The following PCDH18 variants were observed in gnomAD, a reference collection of about 807,000 sequenced individuals.
PCDH18 encodes the protein protocadherin 18.
In PCDH18, 38 loss-of-function variants were observed where a neutral mutation model predicts 71.5. That is an observed-to-expected ratio of 0.53 (90% CI 0.41 to 0.70). The LOEUF (loss-of-function observed/expected upper bound fraction) is 0.70, where lower values mean the gene tolerates loss of function less well. Ranked by LOEUF, PCDH18 falls within the 30% of genes least tolerant of loss-of-function variation. The probability of loss-of-function intolerance (pLI) is 0.00; values close to 1 mark genes in which losing one functional copy is unlikely to be tolerated. For synonymous variants in PCDH18, 565 were observed against 505.4 expected (o/e 1.12, Z -1.58); for missense variants, 1,334 against 1,384.6 (o/e 0.96, Z 0.58).
intron 3 of PCDH18, among the ~76,000 whole-genome samples, chr4:137,524,300 ATGCCTTGCTTC>A (rs1731384682): frequency 6.6e-6 from 1 of 152,170 alleles, no homozygotes; most frequent in African/African-American, 2.4e-5. Flanking sequence ...AGAAATACGT[ATGCCTTGCTTC>A]TGTCAAGTCA....
chr4:137,520,925 T>C lies in PCDH18; in HGVS notation c.*104A>G. The C allele has an allele frequency of 1.4e-6, 1 of 730,974 alleles. No individual in the cohort carries two copies. Among genetic ancestry groups the C allele is most frequent in the South Asian group, 1.9e-5 (1 of 52,346 alleles). The allele number at this position is 730,974 out of a possible 1,614,324, so 45.3% of individuals were successfully genotyped here. Reference sequence around the variant, plus strand: ...TCAATATACACAGACACATTTATGATAAATGCAACTATTTGGCAATGCCAG... The same window carrying C: ...TCAATATACACAGACACATTTATGACAAATGCAACTATTTGGCAATGCCAG... On this transcript the variant is annotated 3_prime_UTR_variant, in exon 4 of 4. Transcript: ENST00000344876.
chr4:137,528,388 A>G, intron 3 of PCDH18, 90 bp downstream of exon 3: 1 of 992,450 alleles, frequency 1.0e-6, no homozygotes, highest in South Asian at 1.5e-5. Flanking sequence ...GGGACAAATA[A>G]AGAAGAAATA....
chr4:137,531,822 C>G lies in PCDH18; in HGVS notation c.267G>C (p.Gly89=). The change falls in exon 1 of 4, where the codon GGG becomes GGC. Residue 89 remains glycine, a synonymous_variant. Coordinates refer to ENST00000344876, the MANE Select transcript of PCDH18 (RefSeq NM_019035.5). ...VNEDNGEISI[G]ATIDREQLCQ... is the part of the protein sequence containing the mutation. ...ACAGTTGTTCACGGTCAATTGTAGC[C>G]CCTATGCTGATTTCCCCATTATCCT... is the stretch of plus-strand genomic sequence containing the variant. 1 of 1,614,082 alleles carries G rather than the reference C, an allele frequency of 6.2e-7. No homozygotes were observed. Among genetic ancestry groups the G allele is most frequent in the Non-Finnish European group, 8.5e-7 (1 of 1,180,018 alleles).
At chr4:137,527,648 TCAATGATC>T (rs55919108) in intron 3 of PCDH18, among the ~76,000 whole-genome samples, 35,206 of 151,908 alleles carry the variant, frequency 0.23, 4,853 homozygotes, top group African/African-American at 0.4. Context: ...CAAATGGCAG[TCAATGATC>T]CACATTCAGT....
Position 137,520,969 on chromosome 4 carries a change from T to G in PCDH18, c.*60A>C. 2 of 1,212,178 alleles carry G rather than the reference T, an allele frequency of 1.6e-6. No individual in the cohort carries two copies. Among genetic ancestry groups the G allele is most frequent in the Non-Finnish European group, 2.3e-6 (2 of 858,040 alleles). The allele number at this position is 1,212,178 out of a possible 1,614,324, so 75.1% of individuals were successfully genotyped here. The stretch of plus-strand genomic sequence containing the variant: ...ATGCCAGTTCTTTCAGGGTTTTTTG[T>G]TGTTGTTGTTGTTCCCTATTTCCAT... On this transcript the variant is annotated 3_prime_UTR_variant, in exon 4 of 4. Transcript: ENST00000344876.
Position 137,529,651 on chromosome 4 carries a change from A to C in PCDH18, c.2438T>G (p.Val813Gly). ...NSLVTISSNH[V>G]PENFSLELTH... ...GAGTTCTAATGAGAAATTCTCTGGCACGTGGTTTGATGAGATTGTCACCAA... is the reference window on the plus strand; with the variant it reads ...GAGTTCTAATGAGAAATTCTCTGGCCCGTGGTTTGATGAGATTGTCACCAA... Residue 813 changes from valine (V) to glycine (G), a missense_variant, in exon 1 of 4, where the codon GTG becomes GGG. Transcript: ENST00000344876. 1 of 1,613,284 alleles carries C rather than the reference A, an allele frequency of 6.2e-7. No individual in the cohort carries two copies. The highest frequency in any genetic ancestry group is 1.7e-5 in the Admixed American group (1 of 59,964).
intron 3 of PCDH18, among the ~76,000 whole-genome samples, chr4:137,523,151 G>A (rs946074483): frequency 1.2e-4 from 19 of 152,164 alleles, no homozygotes; most frequent in Non-Finnish European, 2.5e-4. Flanking sequence ...CAGAAAAAAA[G>A]TGGAGAAAGT....
intron 3 of PCDH18, among the ~76,000 whole-genome samples, chr4:137,522,100 A>C (rs1731318860): frequency 1.3e-5 from 2 of 152,240 alleles, no homozygotes; most frequent in African/African-American, 4.8e-5. Flanking sequence ...TGTGTAATAC[A>C]TACCTTTGTG....
In PCDH18 at chr4:137,528,526, C is replaced by T. The variant is rs2149214841; in HGVS notation, c.2692G>A (p.Gly898Ser). Reference protein sequence around the residue: ...GRDSPIDRLLGEGFSDLFLTD... With the variant: ...GRDSPIDRLLSEGFSDLFLTD... The stretch of plus-strand genomic sequence containing the variant: ...AGAAACAGGTCGCTGAATCCTTCAC[C>T]CAACAGCCTATCTATTGGAGAATCT... Residue 898 changes from glycine (G) to serine (S), a missense_variant, in exon 3 of 4, where the codon GGT becomes AGT. Physicochemically the swap from Gly to Ser is moderately conservative, Grantham distance 56. Transcript: ENST00000344876. The T allele has an allele frequency of 1.2e-6, 2 of 1,613,928 alleles. No individual in the cohort carries two copies. Among genetic ancestry groups the T allele is most frequent in the East Asian group, 2.2e-5 (1 of 44,862 alleles).
Position 137,531,155 on chromosome 4 carries a change from C to T in PCDH18, c.934G>A (p.Val312Met), listed in dbSNP as rs1293897722. The T allele has an allele frequency of 2.5e-6, 4 of 1,613,642 alleles. No individual in the cohort carries two copies. The highest frequency in any genetic ancestry group is 3.4e-6 in the Non-Finnish European group (4 of 1,179,658). The change falls in exon 1 of 4, where the codon GTG becomes ATG. Residue 312 changes from valine to methionine, a missense_variant. Around this residue, in one of 3 missense-constraint regions of PCDH18, gnomAD observed 1,011 missense variants for 1,048.0 expected, o/e 0.96. Transcript: ENST00000344876. Reference protein sequence around the residue: ...ERGHLTLFKQVDYEITKSYEI... With the variant: ...ERGHLTLFKQMDYEITKSYEI... ...TAGGATTTGGTGATTTCATAATCCA[C>T]TTGCTTGAAAAGAGTCAAATGTCCT...
rs763998018 is a variant in PCDH18, at chr4:137,531,907, G to A, written c.182C>T (p.Pro61Leu). 1 of 1,614,016 alleles carries A rather than the reference G, an allele frequency of 6.2e-7. No homozygotes were observed. Among genetic ancestry groups the A allele is most frequent in the East Asian group, 2.2e-5 (1 of 44,864 alleles). ...VADVLLKLPN[P>L]STVRFRAMQR... ...CATGGCTCGAAATCGAACAGTAGAA[G>A]GATTAGGAAGCTTCAATAAAACATC... is the stretch of plus-strand genomic sequence containing the variant. Residue 61 changes from proline (P) to leucine (L), a missense_variant, in exon 1 of 4, where the codon CCT becomes CTT. This residue lies in a region of PCDH18 where 1,011 missense variants were observed against 1,048.0 expected (regional missense o/e 0.96). Coordinates refer to ENST00000344876, the MANE Select transcript of PCDH18 (RefSeq NM_019035.5).
In PCDH18 at chr4:137,528,837, C is replaced by T. The variant is rs1412743158; in HGVS notation, c.2488-17G>A. The stretch of plus-strand genomic sequence containing the variant: ...AGAGACCTGCTGGAAACCAAATAGA[C>T]AGAACTGATTCCCGGAAACAAGCCT... On this transcript the variant is annotated splice_polypyrimidine_tract_variant and intron_variant, in intron 1 of 3. Coordinates refer to ENST00000344876, the MANE Select transcript of PCDH18 (RefSeq NM_019035.5). The T allele has an allele frequency of 6.4e-7, 1 of 1,560,644 alleles. No homozygotes were observed. Among genetic ancestry groups the T allele is most frequent in the Non-Finnish European group, 8.8e-7 (1 of 1,131,902 alleles).
At position 137,530,715 on chromosome 4, in the gene PCDH18, G is replaced by A. The variant is rs1190032969; in HGVS notation, c.1374C>T (p.Ile458=). 6.2e-7 allele frequency: 1 copy of A among 1,613,142 alleles called. No individual in the cohort carries two copies. Among genetic ancestry groups the A allele is most frequent in the South Asian group, 1.1e-5 (1 of 90,994 alleles). ...VKHFTVQIND[I]NDNPPHFQRS... ...TCTGGAAGTGGGGTGGATTGTCATT[G>A]ATATCATTGATTTGAACTGTAAAAT... Residue 458 remains isoleucine, a synonymous_variant, in exon 1 of 4, where the codon ATC becomes ATT. Transcript: ENST00000344876.
intron 3 of PCDH18, among the ~76,000 whole-genome samples, chr4:137,523,781 C>T (rs1232833692): frequency 6.6e-6 from 1 of 152,052 alleles, no homozygotes; most frequent in East Asian, 1.9e-4. Context: ...AAAGTTCATG[C>T]TCAAAAATAA....
chr4:137,525,339 C>T (rs1473271534), intron 3 of PCDH18, among the ~76,000 whole-genome samples: 1 of 152,110 alleles, frequency 6.6e-6, no homozygotes, highest in African/African-American at 2.4e-5. Context: ...TATATTTGTT[C>T]AAAGTCTAAG....
In PCDH18 at chr4:137,530,638, A is replaced by G; in HGVS notation, c.1451T>C (p.Ile484Thr). The change falls in exon 1 of 4, where the codon ATC (isoleucine) becomes ACC (threonine). Residue 484 changes from isoleucine to threonine, a missense_variant. By Grantham distance (89) the Ile-to-Thr change is moderately conservative. This residue lies in a region of PCDH18 where 1,011 missense variants were observed against 1,048.0 expected (regional missense o/e 0.96). Transcript: ENST00000344876. ...ISENNSPGAY[I>T]TTVTATDPDL... is the part of the protein sequence containing the mutation. ...AGGATCTGTGGCTGTAACAGTGGTG[A>G]TATATGCCCCTGGTGAGTTATTTTC... 1 of 1,613,994 alleles carries G rather than the reference A, an allele frequency of 6.2e-7. No individual in the cohort carries two copies. The highest frequency in any genetic ancestry group is 8.5e-7 in the Non-Finnish European group (1 of 1,179,956).
rs749710981 is a variant in PCDH18, at chr4:137,530,920, C to T, written c.1169G>A (p.Gly390Glu). Residue 390 changes from glycine to glutamate, a missense_variant, in exon 1 of 4, where the codon GGG becomes GAG. Physicochemically the swap from Gly to Glu is moderately conservative, Grantham distance 98 (BLOSUM62 -2). Coordinates refer to ENST00000344876, the MANE Select transcript of PCDH18 (RefSeq NM_019035.5). ...CTTACAAACTATTTCTCCATTCAGC[C>T]CAGAATCCTTGTCCTGAACTCTGAC... ...ALVRVQDKDS[G>E]LNGEIVCKLH... 6.2e-7 allele frequency: 1 copy of T among 1,613,178 alleles called. No homozygotes were observed. The highest frequency in any genetic ancestry group is 8.5e-7 in the Non-Finnish European group (1 of 1,179,346).
chr4:137,527,738 T>C lies in PCDH18; in HGVS notation c.2740+740A>G, dbSNP rs558841307. ...GTTGATTTAATATTGCAGTCTTTAGTAGTGGGGCTGCTAGGATAATATAAT... is the reference window on the plus strand; with the variant it reads ...GTTGATTTAATATTGCAGTCTTTAGCAGTGGGGCTGCTAGGATAATATAAT... On this transcript the variant is annotated intron_variant, in intron 3 of 3. Coordinates refer to ENST00000344876, the MANE Select transcript of PCDH18 (RefSeq NM_019035.5). Among the ~76,000 whole-genome samples, 5 of 152,286 alleles carry C rather than the reference T, an allele frequency of 3.3e-5. No homozygotes were observed. In the South Asian group the frequency reaches 1.0e-3, roughly 32 times the overall value.
At chr4:137,529,580 T>C (rs775197925) in intron 1 of PCDH18, 22 bp downstream of exon 1, 2 of 1,513,586 alleles carry the variant, frequency 1.3e-6, no homozygotes, top group African/African-American at 2.8e-5. Flanking sequence ...TTGCAATGAA[T>C]TGATGCGGTT....
Sources: allele counts gnomAD v4.1 joint callset (sites outside exome capture counted in the v4.1 genomes callset), GRCh38; gene constraint gnomAD v4.1.1; regional missense constraint gnomAD v4.1.1; transcripts MANE v1.5; gene names NCBI Gene and HGNC (gene_info 2026-07-23, HGNC 2026-07-21).